KLF3: variants seen among roughly 807,000 people sequenced by gnomAD.
The protein encoded by KLF3 is KLF transcription factor 3.
A neutral mutation model predicts 32.7 loss-of-function variants in KLF3; 6 were observed. The ratio of observed to expected loss-of-function variants is 0.18; its 90% CI spans 0.10 to 0.36. KLF3 has a LOEUF of 0.36. KLF3 is among the 10% of genes least tolerant of loss of function. KLF3 has a pLI of 1.00. For missense variants in KLF3, 338 were observed against 449.7 expected (o/e 0.75, Z 2.25); for synonymous variants, 145 against 172.8 (o/e 0.84, Z 1.26).
intron 1 of KLF3, among the ~76,000 whole-genome samples, chr4:38,670,407 C>A (rs574458804): frequency 6.6e-6 from 1 of 152,162 alleles, no homozygotes; most frequent in Non-Finnish European, 1.5e-5. Flanking sequence ...CAAATCTGGA[C>A]ATAAGAGATC....
At chr4:38,689,161 A>C (rs986246686) in intron 3 of KLF3, 90 bp downstream of exon 3, 3 of 1,503,926 alleles carry the variant, frequency 2.0e-6, no homozygotes, top group Non-Finnish European at 2.7e-6. Context: ...TGGGGGCAAG[A>C]GCTGTTGAAC....
chr4:38,671,707 C>G lies in KLF3; in HGVS notation c.-40+7246C>G, dbSNP rs73232884. On this transcript the variant is annotated intron_variant, in intron 1 of 5. Transcript: ENST00000261438. The surrounding 1 kb of genome is among the most constrained non-coding windows in gnomAD (Gnocchi z 4.4). ...TGTGATGTTAGGCAGGTTACTTGACCTCTCTGTTTCAGTGTTCTTTTCAGT... is the reference window on the plus strand; with the variant it reads ...TGTGATGTTAGGCAGGTTACTTGACGTCTCTGTTTCAGTGTTCTTTTCAGT... 0.038 allele frequency among the ~76,000 whole-genome samples: 5,831 copies of G among 152,234 alleles called. 139 individuals carry two copies. The highest frequency in any genetic ancestry group is 0.088 in the South Asian group (426 of 4,818).
intron 1 of KLF3, among the ~76,000 whole-genome samples, chr4:38,667,714 A>G (rs1422949850): frequency 6.6e-6 from 1 of 152,222 alleles, no homozygotes; most frequent in East Asian, 1.9e-4. Context: ...GATCAGGATT[A>G]ACACCTTACA....
chr4:38,689,660 G>T (rs377406868), intron 3 of KLF3, 69 bp from the exon 4 acceptor site: 7 of 1,107,762 alleles, frequency 6.3e-6, no homozygotes, highest in South Asian at 4.5e-5. Flanking sequence ...TAGGAGCTAT[G>T]CAGTAAGCTT....
rs1365729104 is a variant in KLF3 at position 38,698,068 on chromosome 4, G to C, written c.*805G>C. 1 of 152,210 alleles carries C rather than the reference G, an allele frequency of 6.6e-6. No homozygotes were observed. The highest frequency in any genetic ancestry group is 1.5e-5 in the Non-Finnish European group (1 of 68,052). 9.4% of individuals were successfully genotyped at this position (152,210 alleles called of 1,614,324 possible). A position where few individuals can be genotyped will look rare whatever the true frequency, so the allele number is the denominator to read the frequency against. Reference sequence around the variant, plus strand: ...TTCAACATTTTGTTAGCTGTGTGCAGCATTCCCAGAGCTTCAGTCTCTGTG... The same window carrying C: ...TTCAACATTTTGTTAGCTGTGTGCACCATTCCCAGAGCTTCAGTCTCTGTG... On this transcript the variant is annotated 3_prime_UTR_variant, in exon 6 of 6. Coordinates refer to ENST00000261438, the MANE Select transcript of KLF3 (RefSeq NM_016531.6).
At chr4:38,679,603 C>T (rs906268346) in intron 1 of KLF3, among the ~76,000 whole-genome samples, 4 of 152,110 alleles carry the variant, frequency 2.6e-5, no homozygotes, top group African/African-American at 7.2e-5. Flanking sequence ...TTCGTAATGG[C>T]GAAAACTTAG....
intron 4 of KLF3, among the ~76,000 whole-genome samples, chr4:38,692,866 C>T (rs1042316038): frequency 6.6e-6 from 1 of 151,754 alleles, no homozygotes; most frequent in Non-Finnish European, 1.5e-5. Flanking sequence ...AAATTTCTAC[C>T]CCAGCACTTT....
chr4:38,682,644 A>G (rs1295554880), intron 2 of KLF3, among the ~76,000 whole-genome samples: 4 of 152,192 alleles, frequency 2.6e-5, no homozygotes, highest in Admixed American at 6.5e-5. Flanking sequence ...TAAAATGAAG[A>G]TCCACATTGC....
rs1220823701 is a variant in KLF3 at position 38,697,355 on chromosome 4, C to T, written c.*92C>T. On this transcript the variant is annotated 3_prime_UTR_variant, in exon 6 of 6. Transcript: ENST00000261438. ...TTATCTAACACATTTTTTACATGTA[C>T]ATTTTAATTTGATTCAGCTGGTCTG... The T allele has an allele frequency of 2.5e-6, 3 of 1,190,394 alleles. No individual in the cohort carries two copies. The highest frequency in any genetic ancestry group is 3.5e-6 in the Non-Finnish European group (3 of 850,596). 73.7% of individuals were successfully genotyped at this position (1,190,394 alleles called of 1,614,324 possible).
At chr4:38,665,039 G>A (rs1277080032) in intron 1 of KLF3, among the ~76,000 whole-genome samples, 4 of 146,132 alleles carry the variant, frequency 2.7e-5, no homozygotes, top group African/African-American at 2.5e-5. Flanking sequence ...GCGGCCGCTC[G>A]CCCGCCACAG....
At chr4:38,664,757 C>G (rs1010111278) in intron 1 of KLF3, 3 of 151,950 alleles carry the variant, frequency 2.0e-5, no homozygotes, top group Non-Finnish European at 4.4e-5. Flanking sequence ...TGGCAGCGCC[C>G]GCCGCCGTCC....
chr4:38,689,280 C>CAT (rs1443791630), intron 3 of KLF3, among the ~76,000 whole-genome samples: 1 of 152,182 alleles, frequency 6.6e-6, no homozygotes, highest in Non-Finnish European at 1.5e-5. Context: ...GATACCATGA[C>CAT]ATGATTACTT....
In KLF3 at chr4:38,697,704, C is replaced by T. The variant is rs181082513; in HGVS notation, c.*441C>T. 1 of 154,578 alleles carries T rather than the reference C, an allele frequency of 6.5e-6. No individual in the cohort carries two copies. Among genetic ancestry groups the T allele is most frequent in the Non-Finnish European group, 1.4e-5 (1 of 69,486 alleles). The allele number at this position is 154,578 out of a possible 1,614,324, so 9.6% of individuals were successfully genotyped here. On this transcript the variant is annotated 3_prime_UTR_variant, in exon 6 of 6. Transcript: ENST00000261438. ...CCCTGTGATAATATTTTATGCTTGA[C>T]AGTGAAAACAAGTGTGGCCCCTTGC...
rs1387099511 is a variant in KLF3 at position 38,698,688 on chromosome 4, G to T, written c.*1425G>T. On this transcript the variant is annotated 3_prime_UTR_variant, in exon 6 of 6. Coordinates refer to ENST00000261438, the MANE Select transcript of KLF3 (RefSeq NM_016531.6). ...AATAATGGCTCGTGTTTATGTTGAA[G>T]ATAAATAGCACCATTATTGGGGGAA... The T allele has an allele frequency of 6.6e-6, 1 of 152,170 alleles. No homozygotes were observed. The highest frequency in any genetic ancestry group is 1.5e-5 in the Non-Finnish European group (1 of 68,016). The allele number at this position is 152,170 out of a possible 1,614,324, so 9.4% of individuals were successfully genotyped here.
intron 2 of KLF3, among the ~76,000 whole-genome samples, chr4:38,681,834 A>G (rs1722534720): frequency 6.6e-6 from 1 of 152,174 alleles, no homozygotes; most frequent in African/African-American, 2.4e-5. Flanking sequence ...TGGGCTCTGG[A>G]GGTTCCTGCC....
At position 38,664,391 on chromosome 4, in the gene KLF3, G is replaced by C. The variant is rs1227899680; in HGVS notation, c.-110G>C. The C allele has an allele frequency of 6.6e-6, 1 of 152,070 alleles. No homozygotes were observed. The highest frequency in any genetic ancestry group is 1.5e-5 in the Non-Finnish European group (1 of 68,008). 9.4% of individuals were successfully genotyped at this position (152,070 alleles called of 1,614,324 possible). On this transcript the variant is annotated 5_prime_UTR_variant, in exon 1 of 6. Coordinates refer to ENST00000261438, the MANE Select transcript of KLF3 (RefSeq NM_016531.6). ...CTGGAGCCCTGACATTGCTGCGCTCGGGGGGCTCCAGGCAGCCCGTATCGG... is the reference window on the plus strand; with the variant it reads ...CTGGAGCCCTGACATTGCTGCGCTCCGGGGGCTCCAGGCAGCCCGTATCGG...
chr4:38,675,264 A>G (rs1722307944), intron 1 of KLF3, among the ~76,000 whole-genome samples: 2 of 152,226 alleles, frequency 1.3e-5, no homozygotes. Flanking sequence ...GCAAAATAAC[A>G]CAGCTGGGGA....
chr4:38,677,151 G>A (rs1041174588), intron 1 of KLF3, among the ~76,000 whole-genome samples: 1 of 151,854 alleles, frequency 6.6e-6, no homozygotes, highest in African/African-American at 2.4e-5. Flanking sequence ...TAGTAGAAAC[G>A]GGGTTTCACC....
chr4:38,683,230 T>C (rs1024487401), intron 2 of KLF3, among the ~76,000 whole-genome samples: 4 of 152,240 alleles, frequency 2.6e-5, no homozygotes, highest in African/African-American at 9.6e-5. Context: ...TGTAAAAGTA[T>C]TTTTAATTTC....
Sources: gnomAD v4.1 joint callset for allele counts (sites outside exome capture counted in the v4.1 genomes callset) on GRCh38, gnomAD v4.1.1 for gene constraint, Gnocchi (gnomAD v3.1) non-coding constraint, MANE v1.5 for transcripts, NCBI Gene and HGNC (gene_info 2026-07-23, HGNC 2026-07-21) for gene names.